CFAP52: variants seen among roughly 807,000 people sequenced by gnomAD.
CFAP52 encodes the protein cilia and flagella associated protein 52.
Under a neutral mutation model 70.5 loss-of-function variants are expected in CFAP52, and 57 were observed. The observed-to-expected ratio is 0.81, with a 90% CI of 0.65 to 1.01. The LOEUF is 1.01. CFAP52 is among the 50% of genes least tolerant of loss of function. The probability of loss-of-function intolerance (pLI) is 0.00; values close to 1 mark genes in which losing one functional copy is unlikely to be tolerated. For synonymous variants in CFAP52, 267 were observed against 292.5 expected (o/e 0.91, Z 0.89); for missense variants, 785 against 788.5 (o/e 1.00, Z 0.05).
chr17:9,606,089 A>G (rs1909479147), intron 6 of CFAP52, among the ~76,000 whole-genome samples: 1 of 152,170 alleles, frequency 6.6e-6, no homozygotes, highest in Non-Finnish European at 1.5e-5. Context: ...TAGCCTAGTA[A>G]AAACAAAAAT....
intron 11 of CFAP52, 123 bp downstream of exon 11, chr17:9,635,679 A>G: frequency 7.1e-6 from 9 of 1,275,590 alleles, no homozygotes; most frequent in South Asian, 1.4e-5. Flanking sequence ...AACACAGTAA[A>G]GGGATGTTCA....
intron 1 of CFAP52, among the ~76,000 whole-genome samples, chr17:9,581,014 A>G (rs1217043821): frequency 6.6e-6 from 1 of 152,210 alleles, no homozygotes; most frequent in Non-Finnish European, 1.5e-5. Context: ...TCCATTGGTA[A>G]GAAGTTTTAA....
intron 8 of CFAP52, among the ~76,000 whole-genome samples, chr17:9,612,960 A>G (rs1015368631): frequency 2.6e-5 from 4 of 152,112 alleles, no homozygotes; most frequent in African/African-American, 9.7e-5. Context: ...GTGTTAGATG[A>G]TTTTGCCCAG....
intron 10 of CFAP52, 52 bp from the exon 11 acceptor site, chr17:9,635,353 C>G: frequency 1.3e-6 from 2 of 1,599,976 alleles, no homozygotes; most frequent in Non-Finnish European, 1.7e-6. Flanking sequence ...CTTTTCCTAT[C>G]CCTTCAGAAG....
At chr17:9,631,436 A>G (rs1459244478) in intron 9 of CFAP52, among the ~76,000 whole-genome samples, 1 of 152,094 alleles carries the variant, frequency 6.6e-6, no homozygotes, top group Non-Finnish European at 1.5e-5. Context: ...TTAGCATTCT[A>G]TTTTAAACTG....
Position 9,628,708 on chromosome 17 carries a change from G to C in CFAP52, c.1062G>C (p.Lys354Asn), listed in dbSNP as rs867819243. The stretch of plus-strand genomic sequence containing the variant: ...AGCTATTTGCAACCTGTGCCAAGAA[G>C]GATATCAGGGTGTGGCACACATCAT... ...TAELFATCAKKDIRVWHTSSN... is the reference protein window; with the variant it reads ...TAELFATCAKNDIRVWHTSSN... Residue 354 changes from lysine to asparagine, a missense_variant, in exon 9 of 14, where the codon AAG becomes AAC. Transcript: ENST00000352665. The C allele has an allele frequency of 1.9e-6, 3 of 1,614,154 alleles. No homozygotes were observed. Among genetic ancestry groups the C allele is most frequent in the Non-Finnish European group, 2.5e-6 (3 of 1,180,020 alleles).
intron 8 of CFAP52, among the ~76,000 whole-genome samples, chr17:9,612,890 T>C (rs567155882): frequency 6.6e-6 from 1 of 152,296 alleles, no homozygotes; most frequent in South Asian, 2.1e-4. Flanking sequence ...TTTTTCCCTT[T>C]CAGTACAGTA....
intron 1 of CFAP52, among the ~76,000 whole-genome samples, chr17:9,582,510 T>G (rs1908270741): frequency 6.6e-6 from 1 of 152,248 alleles, no homozygotes; most frequent in Non-Finnish European, 1.5e-5. Context: ...AGCATATGTT[T>G]TCCTTATTGC....
chr17:9,626,561 A>G (rs1477980155), intron 8 of CFAP52, among the ~76,000 whole-genome samples: 1 of 152,176 alleles, frequency 6.6e-6, no homozygotes, highest in Non-Finnish European at 1.5e-5. Flanking sequence ...TGATTTCATG[A>G]TATTTGATTT....
chr17:9,576,823 C>T, intron 1 of CFAP52, 58 bp downstream of exon 1: 4 of 1,566,404 alleles, frequency 2.6e-6, no homozygotes, highest in Non-Finnish European at 3.5e-6. Context: ...ACGTGTAGTG[C>T]AAACAGGAAT....
In CFAP52 at chr17:9,612,201, C is replaced by T. The variant is rs117901126; in HGVS notation, c.855-108C>T. ...TTCAACTGTGTCACTTCTGTGAGGGCGTGTCTGAAATTATATGCCTGATTT... is the reference window on the plus strand; with the variant it reads ...TTCAACTGTGTCACTTCTGTGAGGGTGTGTCTGAAATTATATGCCTGATTT... On this transcript the variant is annotated intron_variant, in intron 7 of 13. Coordinates refer to ENST00000352665, the MANE Select transcript of CFAP52 (RefSeq NM_145054.5). The T allele has an allele frequency of 1.5e-3, 2,011 of 1,366,404 alleles. 7 individuals are homozygous for T. The highest frequency in any genetic ancestry group is 9.5e-3 in the Middle Eastern group (47 of 4,940). The allele number at this position is 1,366,404 out of a possible 1,614,324, so 84.6% of individuals were successfully genotyped here. A position where few individuals can be genotyped will look rare whatever the true frequency, so the allele number is the denominator to read the frequency against.
At chr17:9,631,267 C>G (rs1049546572) in intron 9 of CFAP52, among the ~76,000 whole-genome samples, 2 of 151,984 alleles carry the variant, frequency 1.3e-5, no homozygotes, top group Non-Finnish European at 2.9e-5. Context: ...CCCCTTCTAG[C>G]CATACTTTCT....
At chr17:9,609,001 C>T (rs181005737) in intron 7 of CFAP52, among the ~76,000 whole-genome samples, 4 of 152,166 alleles carry the variant, frequency 2.6e-5, no homozygotes, top group East Asian at 1.9e-4. Flanking sequence ...ATGACCTTCT[C>T]GGGATGGAAA....
intron 6 of CFAP52, among the ~76,000 whole-genome samples, chr17:9,605,440 G>A (rs574065055): frequency 2.6e-5 from 4 of 152,122 alleles, no homozygotes; most frequent in East Asian, 3.9e-4. Flanking sequence ...GGCTGGGCGC[G>A]GTGGCTGACA....
At position 9,596,079 on chromosome 17, in the gene CFAP52, A is replaced by G. The variant is rs966304077; in HGVS notation, c.536+1758A>G. 1.0e-3 allele frequency among the ~76,000 whole-genome samples: 141 copies of G among 138,538 alleles called. 4 individuals are homozygous for G. Among genetic ancestry groups the G allele is most frequent in the East Asian group, 3.8e-3 (16 of 4,162 alleles). The allele number at this position is 138,538 out of a possible 152,430, so 90.9% of individuals were successfully genotyped here. A position where few individuals can be genotyped will look rare whatever the true frequency, so the allele number is the denominator to read the frequency against. ...TGTGTGTATATATATATATATATAT[A>G]TATATATATATATATATATATATGT... On this transcript the variant is annotated intron_variant, in intron 4 of 13. Coordinates refer to ENST00000352665, the MANE Select transcript of CFAP52 (RefSeq NM_145054.5).
At chr17:9,606,653 T>C (rs917017114) in intron 6 of CFAP52, among the ~76,000 whole-genome samples, 20 of 152,164 alleles carry the variant, frequency 1.3e-4, no homozygotes, top group African/African-American at 4.8e-4. Flanking sequence ...TTGAATGACG[T>C]CATCTATAGT....
intron 1 of CFAP52, among the ~76,000 whole-genome samples, chr17:9,583,758 C>A (rs543330425): frequency 6.6e-6 from 1 of 152,080 alleles, no homozygotes; most frequent in African/African-American, 2.4e-5. Flanking sequence ...AAAATTCTGA[C>A]CATAGGTGAG....
At chr17:9,598,069 C>T (rs1597774791) in intron 4 of CFAP52, among the ~76,000 whole-genome samples, 165 bp from the exon 5 acceptor site, 1 of 151,924 alleles carries the variant, frequency 6.6e-6, no homozygotes, top group Admixed American at 6.6e-5. Context: ...TAAAACCTGC[C>T]TCGTGGTGGT....
intron 1 of CFAP52, among the ~76,000 whole-genome samples, chr17:9,581,668 C>T (rs549222881): frequency 2.0e-5 from 3 of 152,076 alleles, no homozygotes; most frequent in South Asian, 2.1e-4. Context: ...AGTGGACATG[C>T]GTAGTTTTGG....
Sources: allele counts gnomAD v4.1 joint callset (sites outside exome capture counted in the v4.1 genomes callset), GRCh38; gene constraint gnomAD v4.1.1; transcripts MANE v1.5; gene names NCBI Gene and HGNC (gene_info 2026-07-23, HGNC 2026-07-21).